DENND2C: variants seen among roughly 807,000 people sequenced by gnomAD.
DENND2C encodes DENN domain containing 2C.
Under a neutral mutation model 112.4 loss-of-function variants are expected in DENND2C, and 72 were observed. The observed-to-expected ratio is 0.64, with a 90% CI of 0.53 to 0.78. DENND2C has a LOEUF of 0.78. Among genes scored for constraint, DENND2C ranks in the 30% least tolerant of loss-of-function variants. The probability of loss-of-function intolerance (pLI) is 0.00; values close to 1 mark genes in which losing one functional copy is unlikely to be tolerated. For missense variants in DENND2C, 992 were observed against 1,113.8 expected (o/e 0.89, Z 1.56); for synonymous variants, 329 against 381.6 (o/e 0.86, Z 1.61).
chr1:114,610,317 A>G (rs1655777544), intron 9 of DENND2C, among the ~76,000 whole-genome samples: 1 of 152,256 alleles, frequency 6.6e-6, no homozygotes, highest in Admixed American at 6.5e-5. Context: ...TCTGGAATAT[A>G]AATGCCTATA....
At chr1:114,666,460 C>A (rs1657651170) in intron 1 of DENND2C, among the ~76,000 whole-genome samples, 1 of 152,092 alleles carries the variant, frequency 6.6e-6, no homozygotes, top group South Asian at 2.1e-4. Flanking sequence ...TTTTCTGAAT[C>A]ATAACTTTTT....
Position 114,637,394 on chromosome 1 carries a change from G to T in DENND2C, c.-205+8054C>A, listed in dbSNP as rs1255261086. On this transcript the variant is annotated intron_variant, in intron 3 of 20. Coordinates refer to ENST00000393274, the MANE Select transcript of DENND2C (RefSeq NM_001256404.2). ...CAAAAAAAAAAAAAAAAAAAGAAAA[G>T]AAAAGAAAAAGAAATACTTAGGGAT... Among the ~76,000 whole-genome samples the T allele has an allele frequency of 1.4e-5, 2 of 147,820 alleles. 1 individual carries two copies. Among genetic ancestry groups the T allele is most frequent in the Admixed American group, 1.3e-4 (2 of 14,872 alleles).
chr1:114,610,042 G>A (rs1655767970), intron 9 of DENND2C, among the ~76,000 whole-genome samples: 1 of 152,164 alleles, frequency 6.6e-6, no homozygotes, highest in Admixed American at 6.5e-5. Flanking sequence ...GGCCAGTGGA[G>A]GGAGCACAAG....
intron 3 of DENND2C, among the ~76,000 whole-genome samples, chr1:114,642,406 A>T (rs79786032): frequency 0.026 from 4,011 of 152,298 alleles, 94 homozygotes; most frequent in Non-Finnish European, 0.034. Context: ...AATAATGCCA[A>T]ATAATCTGGA....
rs760374222 is a variant in DENND2C, at chr1:114,587,693, G to A, written c.2668+23C>T. The A allele has an allele frequency of 5.1e-5, 80 of 1,580,346 alleles. 2 individuals carry two copies. In the South Asian group the frequency reaches 7.9e-4, roughly 16 times the overall value. On this transcript the variant is annotated intron_variant, in intron 19 of 20. Transcript: ENST00000393274. ...TCAAGGTATTCACTAAATAGAGAGG[G>A]AGAACTTTATAATGAAACTGACCTT...
chr1:114,659,156 T>G (rs1187224325), intron 1 of DENND2C, among the ~76,000 whole-genome samples: 1 of 152,092 alleles, frequency 6.6e-6, no homozygotes, highest in African/African-American at 2.4e-5. Flanking sequence ...ACTAACAATC[T>G]CTCTATATTT....
intron 3 of DENND2C, among the ~76,000 whole-genome samples, chr1:114,640,363 AT>A (rs1267313049): frequency 6.6e-6 from 1 of 152,214 alleles, no homozygotes; most frequent in East Asian, 1.9e-4. Flanking sequence ...GAAATATATG[AT>A]TTTTATTTTG....
At chr1:114,644,628 A>G (rs1359167671) in intron 3 of DENND2C, among the ~76,000 whole-genome samples, 1 of 152,178 alleles carries the variant, frequency 6.6e-6, no homozygotes. Flanking sequence ...TGTTTTTTGT[A>G]TATTTACTAT....
At chr1:114,597,523 T>C (rs1655376195) in intron 16 of DENND2C, among the ~76,000 whole-genome samples, 1 of 145,776 alleles carries the variant, frequency 6.9e-6, no homozygotes, top group Non-Finnish European at 1.5e-5. Flanking sequence ...GGCTCACACC[T>C]GTAATCCCAG....
chr1:114,621,471 A>G (rs1656163612), intron 7 of DENND2C, among the ~76,000 whole-genome samples: 1 of 152,220 alleles, frequency 6.6e-6, no homozygotes, highest in Non-Finnish European at 1.5e-5. Flanking sequence ...TTTTGCCCCA[A>G]ATAAATGGCA....
chr1:114,608,744 T>C lies in DENND2C; in HGVS notation c.1499A>G (p.Gln500Arg), dbSNP rs1655729372. 1.2e-6 allele frequency: 2 copies of C among 1,614,094 alleles called. No individual in the cohort carries two copies. The highest frequency in any genetic ancestry group is 2.7e-5 in the African/African-American group (2 of 74,934). The change falls in exon 10 of 21, where the codon CAG becomes CGG. Residue 500 changes from glutamine (Q) to arginine (R), a missense_variant. This residue lies in a region of DENND2C where 516 missense variants were observed against 623.6 expected (regional missense o/e 0.83). Coordinates refer to ENST00000393274, the MANE Select transcript of DENND2C (RefSeq NM_001256404.2). ...LFELFVVVSL[Q>R]KKPSGISYIP... is the part of the protein sequence containing the mutation. ...ATAGCTTATTCCTGATGGTTTCTTC[T>C]GTAGAGACACCACCACAAAAAGTTC...
chr1:114,648,421 T>G (rs1472373708), intron 2 of DENND2C, among the ~76,000 whole-genome samples: 1 of 152,182 alleles, frequency 6.6e-6, no homozygotes, highest in African/African-American at 2.4e-5. Context: ...ACCCCCATAT[T>G]CTAAGAAAAG....
At chr1:114,659,150 A>T (rs1657414130) in intron 1 of DENND2C, among the ~76,000 whole-genome samples, 1 of 152,180 alleles carries the variant, frequency 6.6e-6, no homozygotes, top group Non-Finnish European at 1.5e-5. Context: ...ATAAGAACTA[A>T]CAATCTCTCT....
intron 8 of DENND2C, among the ~76,000 whole-genome samples, chr1:114,611,813 A>G (rs1655826827): frequency 7.6e-6 from 1 of 131,722 alleles, no homozygotes; most frequent in Admixed American, 7.9e-5. Context: ...ACACACACAC[A>G]CACAAAGCAG....
rs1162762693 is a variant in DENND2C, at chr1:114,600,940, C to T, written c.1836G>A (p.Lys612=). ...CAAGGGCTGGAGACATTTCTCTTCT[C>T]TTCTCTACTTCATCCAGAATCTATA... is the stretch of plus-strand genomic sequence containing the variant. ...LFSKILDEVE[K]RREMSPALVY... Residue 612 remains lysine (K), a synonymous_variant, in exon 14 of 21, where the codon AAG becomes AAA. Transcript: ENST00000393274. The T allele has an allele frequency of 3.1e-6, 5 of 1,613,410 alleles. No homozygotes were observed. In the Admixed American group the frequency reaches 8.3e-5, roughly 27 times the overall value.
At chr1:114,616,665 C>G (rs1015627850) in intron 8 of DENND2C, among the ~76,000 whole-genome samples, 1 of 151,988 alleles carries the variant, frequency 6.6e-6, no homozygotes, top group Non-Finnish European at 1.5e-5. Context: ...ATCAGCCTGG[C>G]CAACACGATG....
At chr1:114,594,618 G>T in intron 17 of DENND2C, 40 bp from the exon 18 acceptor site, 1 of 1,527,104 alleles carries the variant, frequency 6.5e-7, no homozygotes, top group Non-Finnish European at 9.0e-7. Flanking sequence ...CTTTGTTTGA[G>T]ATTTGAGGGA....
At chr1:114,590,973 A>ATT (rs1057249311) in intron 18 of DENND2C, among the ~76,000 whole-genome samples, 1 of 147,102 alleles carries the variant, frequency 6.8e-6, no homozygotes, top group African/African-American at 2.5e-5. Context: ...GTCAGACTTA[A>ATT]TTTTTTTTTT....
At chr1:114,668,118 T>A (rs1411398385) in intron 1 of DENND2C, among the ~76,000 whole-genome samples, 1 of 152,198 alleles carries the variant, frequency 6.6e-6, no homozygotes, top group African/African-American at 2.4e-5. Flanking sequence ...TTGTGCCTAT[T>A]GTGTAGTAGG....
Sources: gnomAD v4.1 joint callset for allele counts (sites outside exome capture counted in the v4.1 genomes callset) on GRCh38, gnomAD v4.1.1 for gene constraint, gnomAD v4.1.1 regional missense constraint, MANE v1.5 for transcripts, NCBI Gene and HGNC (gene_info 2026-07-23, HGNC 2026-07-21) for gene names.